CSMD3: variants seen among roughly 807,000 people sequenced by gnomAD.
CSMD3 encodes the protein CUB and sushi domain-containing protein 3.
CSMD3 carries 177 observed loss-of-function variants against 435.2 expected under a neutral mutation model. That is an observed-to-expected ratio of 0.41 (90% CI 0.36 to 0.46). The LOEUF (loss-of-function observed/expected upper bound fraction) is 0.46. Ranked by LOEUF, CSMD3 falls within the 20% of genes least tolerant of loss-of-function variation. The pLI is 0.34. For synonymous variants in CSMD3, 1,656 were observed against 1,520.5 expected, an observed-to-expected ratio of 1.09 and a Z score of -2.07; for missense variants, 4,265 against 4,504.6, an observed-to-expected ratio of 0.95 and a Z score of 1.52.
chr8:112,471,290 C>T (rs551411408), intron 32 of CSMD3, among the ~76,000 whole-genome samples: 1 of 152,208 alleles, frequency 6.6e-6, no homozygotes, highest in East Asian at 1.9e-4. Context: ...ATTCTGTCAG[C>T]AACCATGTAA....
chr8:113,257,918 A>G (rs2093396814), intron 3 of CSMD3, among the ~76,000 whole-genome samples: 1 of 152,196 alleles, frequency 6.6e-6, no homozygotes, highest in African/African-American at 2.4e-5. Flanking sequence ...TTGCTGATTT[A>G]TGTAAAGTAA....
At position 112,767,432 on chromosome 8, in the gene CSMD3, A is replaced by G. The variant is rs543197300; in HGVS notation, c.1972+32730T>C. Among the ~76,000 whole-genome samples, 5 of 151,888 alleles carry G rather than the reference A, an allele frequency of 3.3e-5. 1 individual carries two copies. In the South Asian group the frequency reaches 1.0e-3, roughly 31 times the overall value. On this transcript the variant is annotated intron_variant, in intron 13 of 70. Transcript: ENST00000297405. ...TAGCAAGAAATAGACTCAAGTTTTG[A>G]ACATGGACACTGAAACCATATGGCC...
At chr8:112,810,599 A>C (rs2079199005) in intron 12 of CSMD3, among the ~76,000 whole-genome samples, 1 of 152,098 alleles carries the variant, frequency 6.6e-6, no homozygotes, top group Non-Finnish European at 1.5e-5. Context: ...GTAACAATTA[A>C]AGTCATGTAT....
chr8:112,599,907 AT>A (rs1276384270), intron 22 of CSMD3, among the ~76,000 whole-genome samples: 1 of 146,442 alleles, frequency 6.8e-6, no homozygotes, highest in Non-Finnish European at 1.5e-5. Flanking sequence ...ATTGGGAGAT[AT>A]ACCTAATGCT....
At chr8:112,701,062 C>T (rs2076378443) in intron 13 of CSMD3, among the ~76,000 whole-genome samples, 1 of 152,102 alleles carries the variant, frequency 6.6e-6, no homozygotes, top group Non-Finnish European at 1.5e-5. Context: ...TATAACTTTT[C>T]CCCCTCTTTC....
At chr8:112,484,514 C>CACAT (rs1554587660) in intron 31 of CSMD3, among the ~76,000 whole-genome samples, 49 of 149,484 alleles carry the variant, frequency 3.3e-4, no homozygotes, top group African/African-American at 1.2e-3. Flanking sequence ...CACACACACA[C>CACAT]ATATATATAT....
intron 3 of CSMD3, among the ~76,000 whole-genome samples, chr8:113,275,252 G>A (rs1227529277): frequency 1.3e-5 from 2 of 152,044 alleles, no homozygotes; most frequent in East Asian, 1.9e-4. Context: ...ATCTTCTCCA[G>A]AATAATTCTC....
chr8:112,570,793 T>A (rs1392426803), intron 24 of CSMD3, among the ~76,000 whole-genome samples: 3 of 152,196 alleles, frequency 2.0e-5, no homozygotes, highest in African/African-American at 7.2e-5. Flanking sequence ...AATTGTCTAC[T>A]GATATGCCAA....
chr8:112,277,489 G>A (rs1299073666), intron 59 of CSMD3, among the ~76,000 whole-genome samples: 3 of 152,134 alleles, frequency 2.0e-5, no homozygotes, highest in Non-Finnish European at 4.4e-5. Context: ...TCTCTAGGAA[G>A]TTCCAAACTT....
chr8:112,882,534 T>G (rs1449685849), intron 10 of CSMD3, among the ~76,000 whole-genome samples: 1 of 152,012 alleles, frequency 6.6e-6, no homozygotes, highest in African/African-American at 2.4e-5. Context: ...TCTTTTCCCC[T>G]CCTTCCCACT....
At chr8:113,103,716 A>T (rs899353203) in intron 4 of CSMD3, among the ~76,000 whole-genome samples, 3 of 152,092 alleles carry the variant, frequency 2.0e-5, no homozygotes, top group African/African-American at 7.2e-5. Flanking sequence ...ACCATTTATT[A>T]TACTTTAAAA....
chr8:112,983,557 G>C (rs1241955554), intron 6 of CSMD3, among the ~76,000 whole-genome samples: 1 of 148,050 alleles, frequency 6.8e-6, no homozygotes, highest in African/African-American at 2.5e-5. Context: ...ATTGATAGAG[G>C]GCCATACTAG....
In CSMD3 at chr8:112,426,098, G is replaced by A. The variant is rs563646169; in HGVS notation, c.5396-17066C>T. On this transcript the variant is annotated intron_variant, in intron 32 of 70. Transcript: ENST00000297405. ...CACAAATACATAGTAAAATGGAGCTGGAGACATAAAAAAAGTGAGCTGCAA... is the reference window on the plus strand; with the variant it reads ...CACAAATACATAGTAAAATGGAGCTAGAGACATAAAAAAAGTGAGCTGCAA... Among the ~76,000 whole-genome samples, 3 of 152,036 alleles carry A rather than the reference G, an allele frequency of 2.0e-5. No homozygotes were observed. The East Asian group carries it at 5.8e-4, about 29-fold the overall frequency.
intron 4 of CSMD3, among the ~76,000 whole-genome samples, chr8:113,122,238 CT>C (rs2091005472): frequency 6.6e-6 from 1 of 152,026 alleles, no homozygotes; most frequent in African/African-American, 2.4e-5. Flanking sequence ...TTATTTAAGT[CT>C]TATTCATAAG....
At chr8:112,919,260 A>G (rs2082663375) in intron 10 of CSMD3, among the ~76,000 whole-genome samples, 1 of 151,884 alleles carries the variant, frequency 6.6e-6, no homozygotes, top group South Asian at 2.1e-4. Context: ...TGTATCTTGC[A>G]ATCTAAAAAG....
intron 1 of CSMD3, among the ~76,000 whole-genome samples, chr8:113,387,989 A>T (rs2094446424): frequency 6.6e-6 from 1 of 151,654 alleles, no homozygotes; most frequent in South Asian, 2.1e-4. Context: ...AGCATATTAT[A>T]TTGTGGCATA....
intron 31 of CSMD3, among the ~76,000 whole-genome samples, chr8:112,477,953 G>C (rs1196924403): frequency 1.3e-5 from 2 of 152,126 alleles, no homozygotes; most frequent in Non-Finnish European, 2.9e-5. Context: ...TGAATCATGG[G>C]GTCAAGGCTT....
At chr8:112,730,424 A>G (rs1320483269) in intron 13 of CSMD3, among the ~76,000 whole-genome samples, 1 of 152,146 alleles carries the variant, frequency 6.6e-6, no homozygotes, top group African/African-American at 2.4e-5. Context: ...AATAGTTGGA[A>G]GTGAGTAGGT....
chr8:112,653,402 C>T (rs764286396), intron 18 of CSMD3, among the ~76,000 whole-genome samples: 3 of 151,948 alleles, frequency 2.0e-5, no homozygotes, highest in Non-Finnish European at 4.4e-5. Context: ...TACATCTATA[C>T]GTTCATATGA....
Sources: gnomAD v4.1 joint callset for allele counts (sites outside exome capture counted in the v4.1 genomes callset) on GRCh38, gnomAD v4.1.1 for gene constraint, MANE v1.5 for transcripts, NCBI Gene and HGNC (gene_info 2026-07-23, HGNC 2026-07-21) for gene names.